Variants in UTP20 observed in about 807,000 individuals in gnomAD.
UTP20 encodes the protein small subunit processome component 20 homolog.
UTP20 carries 164 observed loss-of-function variants against 329.5 expected under a neutral mutation model. That is an observed-to-expected ratio of 0.50 (90% CI 0.44 to 0.57). UTP20 has a LOEUF of 0.57. UTP20 is among the 20% of genes least tolerant of loss of function. The pLI, the probability that UTP20 is intolerant of heterozygous loss-of-function variation, is 0.00. For missense variants in UTP20, 3,055 were observed against 3,284.2 expected (o/e 0.93, Z 1.71); for synonymous variants, 1,151 against 1,159.3 (o/e 0.99, Z 0.14).
At chr12:101,343,552 C>T (rs961193894) in intron 35 of UTP20, among the ~76,000 whole-genome samples, 10 of 152,068 alleles carry the variant, frequency 6.6e-5, no homozygotes, top group Non-Finnish European at 1.5e-4. Context: ...GTTCTGTCAC[C>T]CAGGCTAGAG....
intron 25 of UTP20, among the ~76,000 whole-genome samples, chr12:101,326,046 T>A (rs1360027200): frequency 6.6e-6 from 1 of 152,252 alleles, no homozygotes; most frequent in African/African-American, 2.4e-5. Context: ...AATAGTATCA[T>A]GTATGGGTAA....
At chr12:101,343,180 GT>G in intron 35 of UTP20, 87 bp downstream of exon 35, 1 of 929,224 alleles carries the variant, frequency 1.1e-6, no homozygotes. Flanking sequence ...CTTTAAATTT[GT>G]TTTTTGAGGG....
intron 49 of UTP20, 45 bp from the exon 50 acceptor site, chr12:101,370,387 A>G (rs1392675662): frequency 3.8e-6 from 6 of 1,589,860 alleles, no homozygotes; most frequent in South Asian, 3.5e-5. Flanking sequence ...CTGGATCCCA[A>G]CTGTGGGATG....
chr12:101,325,922 A>G (rs1333696401), intron 25 of UTP20, among the ~76,000 whole-genome samples: 1 of 152,248 alleles, frequency 6.6e-6, no homozygotes, highest in East Asian at 1.9e-4. Flanking sequence ...GATTAATGAT[A>G]TTAACAAATG....
Position 101,385,742 on chromosome 12 carries a change from T to C in UTP20, c.8202+14T>C. On this transcript the variant is annotated intron_variant, in intron 61 of 61. Coordinates refer to ENST00000261637, the MANE Select transcript of UTP20 (RefSeq NM_014503.3). ...AAGGCCCTGGAGGTAAGTTTGCTCT[T>C]TGAAAATATGGCATGTTCACTGGAC... 1 of 1,607,914 alleles carries C rather than the reference T, an allele frequency of 6.2e-7. No individual in the cohort carries two copies. Among genetic ancestry groups the C allele is most frequent in the African/African-American group, 1.3e-5 (1 of 74,564 alleles).
chr12:101,297,412 G>A (rs1047103547), intron 12 of UTP20, among the ~76,000 whole-genome samples: 4 of 152,036 alleles, frequency 2.6e-5, no homozygotes, highest in Non-Finnish European at 5.9e-5. Flanking sequence ...ACGAGGTCTC[G>A]CTATGTTGCC....
intron 2 of UTP20, 80 bp downstream of exon 2, chr12:101,281,276 T>C: frequency 8.0e-7 from 1 of 1,257,168 alleles, no homozygotes; most frequent in Non-Finnish European, 1.1e-6. Flanking sequence ...GAATTGTTTT[T>C]CAAGGTATTC....
intron 25 of UTP20, 165 bp from the exon 26 acceptor site, chr12:101,326,916 T>C (rs1442129200): frequency 1.3e-6 from 1 of 756,626 alleles, no homozygotes; most frequent in Non-Finnish European, 2.0e-6. Flanking sequence ...TTGTTGACTT[T>C]TTTCATTGTC....
chr12:101,347,567 T>C (rs1448560633), intron 38 of UTP20, among the ~76,000 whole-genome samples: 2 of 152,192 alleles, frequency 1.3e-5, no homozygotes, highest in Non-Finnish European at 2.9e-5. Flanking sequence ...TCATAGAAAT[T>C]CAAATCTAAC....
intron 4 of UTP20, 87 bp downstream of exon 4, chr12:101,285,968 T>G (rs1049064405): frequency 1.1e-5 from 16 of 1,510,120 alleles, no homozygotes; most frequent in Non-Finnish European, 1.4e-5. Flanking sequence ...ATACCGCAGA[T>G]CAGGTGCTCA....
chr12:101,380,863 TAAAAAAA>T (rs35235306), intron 57 of UTP20, among the ~76,000 whole-genome samples: 1 of 115,150 alleles, frequency 8.7e-6, no homozygotes, highest in African/African-American at 3.3e-5. Flanking sequence ...GACTCTGTCT[TAAAAAAA>T]AAAAAAAAAA....
At position 101,286,581 on chromosome 12, in the gene UTP20, A is replaced by G. The variant is rs565674726; in HGVS notation, c.515+72A>G. 14 of 1,301,192 alleles carry G rather than the reference A, an allele frequency of 1.1e-5. 1 individual carries two copies. The highest frequency in any genetic ancestry group is 9.0e-5 in the African/African-American group (6 of 66,984). 80.6% of individuals were successfully genotyped at this position (1,301,192 alleles called of 1,614,324 possible). A position where few individuals can be genotyped will look rare whatever the true frequency, so the allele number is the denominator to read the frequency against. ...TTTCCCTGGCTTCTTTATGACTCCA[A>G]ACCACTTTGCCAGCTCAGTGCCTAA... On this transcript the variant is annotated intron_variant, in intron 5 of 61. Coordinates refer to ENST00000261637, the MANE Select transcript of UTP20 (RefSeq NM_014503.3).
At chr12:101,296,376 C>T (rs1212828319) in intron 12 of UTP20, among the ~76,000 whole-genome samples, 2 of 152,108 alleles carry the variant, frequency 1.3e-5, no homozygotes, top group East Asian at 1.9e-4. Flanking sequence ...TCGAGACCAT[C>T]CTGGCTAACA....
At chr12:101,343,821 G>A (rs12230167) in intron 35 of UTP20, among the ~76,000 whole-genome samples, 30,023 of 152,076 alleles carry the variant, frequency 0.2, 6,440 homozygotes, top group East Asian at 0.55. Context: ...CAAATAGTAA[G>A]TTTTTTAAAA....
Position 101,309,667 on chromosome 12 carries a change from C to T in UTP20, c.2155-96C>T, listed in dbSNP as rs1238065151. ...CTTATCGCACAGGCTTCTTTCCAAA[C>T]CTCAGGTTGTCCAACTTGGGATGTT... On this transcript the variant is annotated intron_variant, in intron 18 of 61. Transcript: ENST00000261637. 5 of 1,240,880 alleles carry T rather than the reference C, an allele frequency of 4.0e-6. No individual in the cohort carries two copies. In the East Asian group the frequency reaches 1.2e-4, roughly 30 times the overall value. 76.9% of individuals were successfully genotyped at this position (1,240,880 alleles called of 1,614,324 possible).
intron 8 of UTP20, 90 bp from the exon 9 acceptor site, chr12:101,291,652 G>A (rs1441025001): frequency 1.5e-6 from 2 of 1,341,792 alleles, no homozygotes; most frequent in East Asian, 2.5e-5. Flanking sequence ...AAGAGAATGG[G>A]AAAAGTTGAA....
At chr12:101,343,145 C>A (rs190565563) in intron 35 of UTP20, 52 bp downstream of exon 35, 2 of 1,360,288 alleles carry the variant, frequency 1.5e-6, no homozygotes, top group Non-Finnish European at 2.0e-6. Context: ...TTTGGTAATA[C>A]GGCTGCCTAA....
chr12:101,367,806 A>T, intron 47 of UTP20, 54 bp from the exon 48 acceptor site: 1 of 1,059,798 alleles, frequency 9.4e-7, no homozygotes, highest in Non-Finnish European at 1.5e-6. Context: ...CATTTACCTA[A>T]CTCATCTGGT....
At position 101,290,901 on chromosome 12, in the gene UTP20, C is replaced by G; in HGVS notation, c.891+13C>G. On this transcript the variant is annotated intron_variant, in intron 8 of 61. Transcript: ENST00000261637. ...TGAATGTTTGCAAGTGAGTTCTAAT[C>G]TTTAAGGATGGGTTTTTGATAAGGA... 1.2e-6 allele frequency: 2 copies of G among 1,602,398 alleles called. No individual in the cohort carries two copies. Among genetic ancestry groups the G allele is most frequent in the Non-Finnish European group, 1.7e-6 (2 of 1,176,422 alleles).
Sources: gnomAD v4.1 joint callset for allele counts (sites outside exome capture counted in the v4.1 genomes callset) on GRCh38, gnomAD v4.1.1 for gene constraint, MANE v1.5 for transcripts, NCBI Gene and HGNC (gene_info 2026-07-23, HGNC 2026-07-21) for gene names.